TTC28: variants seen among roughly 807,000 people sequenced by gnomAD.
The protein encoded by TTC28 is tetratricopeptide repeat domain 28, also known as tetratricopeptide repeat protein 28.
A neutral mutation model predicts 198.0 loss-of-function variants in TTC28; 61 were observed. That is an observed-to-expected ratio of 0.31 (90% CI 0.25 to 0.38). The LOEUF (loss-of-function observed/expected upper bound fraction) is 0.38, where lower values mean the gene tolerates loss of function less well. Among genes scored for constraint, TTC28 ranks in the 10% least tolerant of loss-of-function variants. The pLI is 1.00. For synonymous variants in TTC28, 1,171 were observed against 1,297.8 expected, an observed-to-expected ratio of 0.90 and a Z score of 2.10; for missense variants, 2,678 against 3,164.0, an observed-to-expected ratio of 0.85 and a Z score of 3.69.
chr22:28,527,778 G>A (rs953615572), intron 2 of TTC28, among the ~76,000 whole-genome samples: 6 of 152,070 alleles, frequency 3.9e-5, no homozygotes, highest in African/African-American at 1.4e-4. Flanking sequence ...TGGGACTACA[G>A]GCACATGCCA....
chr22:28,346,831 A>C (rs2045909546), intron 2 of TTC28, among the ~76,000 whole-genome samples: 1 of 152,214 alleles, frequency 6.6e-6, no homozygotes, highest in South Asian at 2.1e-4. Context: ...GCTGTGGTTA[A>C]GCACATTGCA....
chr22:28,238,497 T>C (rs1225740318), intron 5 of TTC28, among the ~76,000 whole-genome samples: 1 of 152,208 alleles, frequency 6.6e-6, no homozygotes, highest in East Asian at 1.9e-4. Flanking sequence ...ATGTTTATAA[T>C]ATCTGTTTTA....
At chr22:28,352,059 G>T (rs1209508198) in intron 2 of TTC28, among the ~76,000 whole-genome samples, 1 of 151,844 alleles carries the variant, frequency 6.6e-6, no homozygotes, top group East Asian at 1.9e-4. Flanking sequence ...TAATTAACAG[G>T]TTACACAGAA....
chr22:28,112,239 A>G (rs1407617115), intron 6 of TTC28, among the ~76,000 whole-genome samples: 1 of 152,212 alleles, frequency 6.6e-6, no homozygotes, highest in Non-Finnish European at 1.5e-5. Flanking sequence ...TAGTAGGACC[A>G]GTATTTAGAG....
At chr22:28,266,734 C>T (rs1356122446) in intron 5 of TTC28, among the ~76,000 whole-genome samples, 1 of 152,134 alleles carries the variant, frequency 6.6e-6, no homozygotes, top group African/African-American at 2.4e-5. Context: ...TGGAACCCAG[C>T]TCAGATCAAA....
At chr22:28,030,565 T>G (rs1939034863) in intron 12 of TTC28, among the ~76,000 whole-genome samples, 199 bp from the exon 13 acceptor site, 1 of 152,224 alleles carries the variant, frequency 6.6e-6, no homozygotes, top group Admixed American at 6.5e-5. Flanking sequence ...CTTCTCAAGA[T>G]GAACTCTGGT....
At chr22:28,453,593 C>T (rs2047815620) in intron 2 of TTC28, among the ~76,000 whole-genome samples, 2 of 152,170 alleles carry the variant, frequency 1.3e-5, no homozygotes, top group Non-Finnish European at 1.5e-5. Context: ...AGGCCAAAAA[C>T]TTTATAGTCC....
chr22:28,345,888 G>GA (rs1297550978), intron 2 of TTC28, among the ~76,000 whole-genome samples: 7 of 151,988 alleles, frequency 4.6e-5, no homozygotes, highest in Non-Finnish European at 1.0e-4. Flanking sequence ...AAACATCTCA[G>GA]AAAAAAAGTC....
intron 2 of TTC28, among the ~76,000 whole-genome samples, chr22:28,444,939 T>C (rs886889608): frequency 2.0e-5 from 3 of 152,180 alleles, no homozygotes; most frequent in African/African-American, 7.2e-5. Flanking sequence ...ATTTGACATA[T>C]CAAAATCATT....
intron 2 of TTC28, 37 bp from the exon 3 acceptor site, chr22:28,306,680 T>C (rs1362597630): frequency 6.5e-7 from 1 of 1,546,446 alleles, no homozygotes; most frequent in African/African-American, 1.4e-5. Flanking sequence ...ATAATGCCTG[T>C]GCTCCAACAA....
At position 28,381,867 on chromosome 22, in the gene TTC28, A is replaced by C. The variant is rs534171209; in HGVS notation, c.382-75224T>G. On this transcript the variant is annotated intron_variant, in intron 2 of 22. Transcript: ENST00000397906. ...AAAACATATATTTCTCTGATAATGC[A>C]ATAGATTAGAGTAAAATCTAATTGA... 1.2e-3 allele frequency among the ~76,000 whole-genome samples: 190 copies of C among 152,284 alleles called. 1 individual carries two copies. Among genetic ancestry groups the C allele is most frequent in the Non-Finnish European group, 2.1e-3 (145 of 68,000 alleles).
At chr22:28,277,874 G>A (rs2044501451) in intron 5 of TTC28, among the ~76,000 whole-genome samples, 1 of 152,100 alleles carries the variant, frequency 6.6e-6, no homozygotes, top group South Asian at 2.1e-4. Flanking sequence ...TTACCTAGCA[G>A]CTGTTTTGGT....
intron 6 of TTC28, among the ~76,000 whole-genome samples, chr22:28,161,418 T>C (rs1048086329): frequency 3.9e-5 from 6 of 152,086 alleles, no homozygotes; most frequent in Non-Finnish European, 7.4e-5. Context: ...ATGCCCACCA[T>C]GGGCAGGTTG....
intron 2 of TTC28, among the ~76,000 whole-genome samples, chr22:28,424,165 T>C (rs1223320973): frequency 6.6e-6 from 1 of 152,238 alleles, no homozygotes; most frequent in African/African-American, 2.4e-5. Flanking sequence ...TACAACTTGA[T>C]GTTTTGATAT....
intron 5 of TTC28, among the ~76,000 whole-genome samples, chr22:28,247,770 T>C (rs1315790988): frequency 1.3e-5 from 2 of 152,120 alleles, no homozygotes; most frequent in African/African-American, 2.4e-5. Context: ...AAGGCTAAAA[T>C]GTATATGATA....
chr22:28,392,578 G>A (rs2046746938), intron 2 of TTC28, among the ~76,000 whole-genome samples: 1 of 152,228 alleles, frequency 6.6e-6, no homozygotes. Context: ...GAAAAGCGCA[G>A]TATTCGGGTG....
chr22:28,414,253 C>T (rs1353977640), intron 2 of TTC28, among the ~76,000 whole-genome samples: 1 of 152,148 alleles, frequency 6.6e-6, no homozygotes, highest in Non-Finnish European at 1.5e-5. Flanking sequence ...AAACACCCTG[C>T]ACAGATGCAG....
intron 2 of TTC28, among the ~76,000 whole-genome samples, chr22:28,388,208 C>T: frequency 6.6e-6 from 1 of 152,168 alleles, no homozygotes; most frequent in East Asian, 1.9e-4. Context: ...ATCTATATCT[C>T]TGTTTTGGTA....
chr22:28,564,624 C>T (rs990386217), intron 2 of TTC28, among the ~76,000 whole-genome samples: 2 of 151,764 alleles, frequency 1.3e-5, no homozygotes, highest in African/African-American at 4.8e-5. Context: ...CAATACTATA[C>T]AGTGCATTGA....
Sources: allele counts gnomAD v4.1 joint callset (sites outside exome capture counted in the v4.1 genomes callset), GRCh38; gene constraint gnomAD v4.1.1; transcripts MANE v1.5; gene names NCBI Gene and HGNC (gene_info 2026-07-23, HGNC 2026-07-21).